The following VPS50 variants were observed in gnomAD, a reference collection of about 807,000 sequenced individuals.
The protein encoded by VPS50 is VPS50 subunit of EARP/GARPII complex, also known as syndetin.
A neutral mutation model predicts 139.7 loss-of-function variants in VPS50; 70 were observed. The observed-to-expected ratio is 0.50, with a 90% CI of 0.41 to 0.61. The LOEUF (loss-of-function observed/expected upper bound fraction) is 0.61, where lower values mean the gene tolerates loss of function less well. Ranked by LOEUF, VPS50 falls within the 20% of genes least tolerant of loss-of-function variation. The pLI is 0.00. For missense variants in VPS50, 921 were observed against 1,133.7 expected, an observed-to-expected ratio of 0.81 and a Z score of 2.69; for synonymous variants, 365 against 376.7, an observed-to-expected ratio of 0.97 and a Z score of 0.36.
chr7:93,279,151 G>T (rs910097248), intron 12 of VPS50, among the ~76,000 whole-genome samples: 5 of 152,094 alleles, frequency 3.3e-5, no homozygotes, highest in Non-Finnish European at 7.4e-5. Context: ...ATCATCCCAG[G>T]CCTTCTAGAA....
At chr7:93,351,536 G>C (rs1798559886) in intron 25 of VPS50, among the ~76,000 whole-genome samples, 1 of 152,122 alleles carries the variant, frequency 6.6e-6, no homozygotes, top group African/African-American at 2.4e-5. Context: ...TCAAGGCTCA[G>C]GCAGATTTGG....
chr7:93,342,818 A>G (rs1220603853), intron 23 of VPS50, among the ~76,000 whole-genome samples: 3 of 152,214 alleles, frequency 2.0e-5, no homozygotes. Flanking sequence ...CATCCACACC[A>G]AAAACCCATC....
intron 6 of VPS50, 27 bp from the exon 7 acceptor site, chr7:93,258,132 T>A (rs892483584): frequency 1.1e-6 from 1 of 950,284 alleles, no homozygotes; most frequent in Non-Finnish European, 1.7e-6. Flanking sequence ...TAAAAAACTT[T>A]TAACTATTTA....
rs1421343354 is a variant in VPS50 at position 93,311,173 on chromosome 7, C to T, written c.1756C>T (p.Arg586Trp). ...TGDGPVKSVS[R>W]ETLKSRKKSD... is the part of the protein sequence containing the mutation. The stretch of plus-strand genomic sequence containing the variant: ...TTGTTTTTCCATATCAAGTGTTTCT[C>T]GGGAAACTCTAAAAAGCAGGAAGAA... Residue 586 changes from arginine (R) to tryptophan (W), a missense_variant, in exon 20 of 28, where the codon CGG (arginine) becomes TGG (tryptophan). This residue lies in a region of VPS50 where 744 missense variants were observed against 930.6 expected (regional missense o/e 0.80). Coordinates refer to ENST00000305866, the MANE Select transcript of VPS50 (RefSeq NM_017667.4). 3.2e-6 allele frequency: 4 copies of T among 1,236,156 alleles called. No homozygotes were observed. The highest frequency in any genetic ancestry group is 1.7e-5 in the Admixed American group (1 of 59,266). The allele number at this position is 1,236,156 out of a possible 1,614,324, so 76.6% of individuals were successfully genotyped here.
intron 2 of VPS50, chr7:93,246,198 A>C: frequency 1.0e-6 from 1 of 974,384 alleles, no homozygotes; most frequent in Non-Finnish European, 1.5e-6. Flanking sequence ...AAGAAATGCA[A>C]ACAGTAAAAA....
intron 26 of VPS50, among the ~76,000 whole-genome samples, chr7:93,355,320 A>G (rs1308875077): frequency 6.6e-6 from 1 of 152,140 alleles, no homozygotes; most frequent in East Asian, 1.9e-4. Context: ...TACTTAGTCC[A>G]CCTTAAAACA....
chr7:93,313,786 T>C (rs1797341997), intron 20 of VPS50, among the ~76,000 whole-genome samples: 1 of 152,020 alleles, frequency 6.6e-6, no homozygotes, highest in Non-Finnish European at 1.5e-5. Flanking sequence ...TATGGCACAG[T>C]CCTGAATAAA....
chr7:93,322,532 G>A (rs1797646315), intron 20 of VPS50, among the ~76,000 whole-genome samples: 1 of 149,028 alleles, frequency 6.7e-6, no homozygotes, highest in Non-Finnish European at 1.5e-5. Flanking sequence ...CCTGGGAGGC[G>A]GAGCTTGCAG....
At chr7:93,296,998 TA>T in intron 15 of VPS50, 146 bp from the exon 16 acceptor site, 2 of 1,446,576 alleles carry the variant, frequency 1.4e-6, no homozygotes, top group Non-Finnish European at 1.8e-6. Flanking sequence ...TGGGTGTTTG[TA>T]AACCTTTATG....
chr7:93,342,742 G>C (rs769739567), intron 23 of VPS50, among the ~76,000 whole-genome samples: 12 of 152,080 alleles, frequency 7.9e-5, no homozygotes, highest in Non-Finnish European at 1.8e-4. Flanking sequence ...CACACGACTG[G>C]GTACTCCAAC....
intron 4 of VPS50, among the ~76,000 whole-genome samples, chr7:93,254,666 G>A (rs1271781234): frequency 6.6e-6 from 1 of 152,122 alleles, no homozygotes; most frequent in African/African-American, 2.4e-5. Flanking sequence ...TTTAACCTCA[G>A]TGACTCCCTT....
intron 12 of VPS50, among the ~76,000 whole-genome samples, chr7:93,285,793 A>G (rs1796465833): frequency 6.6e-6 from 1 of 152,196 alleles, no homozygotes; most frequent in Non-Finnish European, 1.5e-5. Context: ...GTTAATCAAA[A>G]TTGGATTAAG....
intron 12 of VPS50, among the ~76,000 whole-genome samples, chr7:93,279,190 G>A (rs1040259851): frequency 1.3e-5 from 2 of 152,168 alleles, no homozygotes; most frequent in African/African-American, 2.4e-5. Flanking sequence ...GGTCAGTGCT[G>A]CTACAGGCAG....
intron 4 of VPS50, among the ~76,000 whole-genome samples, chr7:93,254,840 C>T (rs912453855): frequency 4.6e-5 from 7 of 151,916 alleles, no homozygotes; most frequent in African/African-American, 1.7e-4. Flanking sequence ...AACAAAAGGA[C>T]CAGTAGTAAT....
At chr7:93,252,077 C>T (rs1219706302) in intron 2 of VPS50, among the ~76,000 whole-genome samples, 1 of 152,160 alleles carries the variant, frequency 6.6e-6, no homozygotes, top group Non-Finnish European at 1.5e-5. Flanking sequence ...AGTTTAGCTT[C>T]ATAATCAGAT....
intron 20 of VPS50, among the ~76,000 whole-genome samples, chr7:93,314,826 T>A (rs1260695417): frequency 6.6e-6 from 1 of 152,038 alleles, no homozygotes; most frequent in Non-Finnish European, 1.5e-5. Context: ...ACTCCTTCAT[T>A]AGGACATTCT....
At chr7:93,352,662 A>G (rs1180013131) in intron 25 of VPS50, among the ~76,000 whole-genome samples, 1 of 152,178 alleles carries the variant, frequency 6.6e-6, no homozygotes, top group Admixed American at 6.5e-5. Context: ...AAATGAGTAT[A>G]TTTAAATAGC....
Position 93,271,795 on chromosome 7 carries a change from C to T in VPS50, c.702+533C>T, listed in dbSNP as rs548713076. Among the ~76,000 whole-genome samples the T allele has an allele frequency of 2.6e-5, 4 of 151,762 alleles. 1 individual carries two copies. The highest frequency in any genetic ancestry group is 9.6e-5 in the African/African-American group (4 of 41,508). On this transcript the variant is annotated intron_variant, in intron 10 of 27. Coordinates refer to ENST00000305866, the MANE Select transcript of VPS50 (RefSeq NM_017667.4). ...TCATCTCTTTCCTTGACAATCTTTG[C>T]AAAGGAGGGTATTCATTTTAATAAA...
chr7:93,343,758 A>C (rs1198229715), intron 23 of VPS50, among the ~76,000 whole-genome samples: 5 of 152,006 alleles, frequency 3.3e-5, no homozygotes, highest in African/African-American at 9.7e-5. Flanking sequence ...GAAATAAAAT[A>C]CTTTACAGAC....
Sources: allele counts gnomAD v4.1 joint callset (sites outside exome capture counted in the v4.1 genomes callset), GRCh38; gene constraint gnomAD v4.1.1; regional missense constraint gnomAD v4.1.1; transcripts MANE v1.5; gene names NCBI Gene and HGNC (gene_info 2026-07-23, HGNC 2026-07-21).